Variants in SORT1 observed in about 807,000 individuals in gnomAD.
SORT1 encodes the protein sortilin.
A neutral mutation model predicts 101.7 loss-of-function variants in SORT1; 39 were observed. The observed-to-expected ratio is 0.38, with a 90% CI of 0.30 to 0.50. The LOEUF (loss-of-function observed/expected upper bound fraction) is 0.50, where lower values mean the gene tolerates loss of function less well. SORT1 is among the 20% of genes least tolerant of loss of function. The pLI is 0.90. For missense variants in SORT1, 878 were observed against 1,040.4 expected, an observed-to-expected ratio of 0.84 and a Z score of 2.15; for synonymous variants, 396 against 393.7, an observed-to-expected ratio of 1.01 and a Z score of -0.07.
intron 1 of SORT1, among the ~76,000 whole-genome samples, chr1:109,373,975 G>A (rs552822689): frequency 2.6e-5 from 4 of 152,240 alleles, no homozygotes; most frequent in African/African-American, 9.6e-5. Context: ...TGTAGCCCTC[G>A]CTACTTGGGA....
chr1:109,374,418 C>A (rs143813593), intron 1 of SORT1, among the ~76,000 whole-genome samples: 1 of 151,882 alleles, frequency 6.6e-6, no homozygotes, highest in South Asian at 2.1e-4. Context: ...ACTAAAAATA[C>A]GAAAATTACT....
At chr1:109,334,155 G>GA (rs981111915) in intron 11 of SORT1, among the ~76,000 whole-genome samples, 3 of 151,430 alleles carry the variant, frequency 2.0e-5, no homozygotes, top group Non-Finnish European at 4.4e-5. Context: ...TTAAAAAAAA[G>GA]AAAAAAAAGA....
Position 109,397,661 on chromosome 1 carries a change from T to C in SORT1, c.232A>G (p.Ser78Gly). The C allele has an allele frequency of 8.2e-7, 1 of 1,216,586 alleles. No individual in the cohort carries two copies. 75.4% of individuals were successfully genotyped at this position (1,216,586 alleles called of 1,614,324 possible). A position where few individuals can be genotyped will look rare whatever the true frequency, so the allele number is the denominator to read the frequency against. Residue 78 changes from serine (S) to glycine (G), a missense_variant, in exon 1 of 20, where the codon AGC (serine) becomes GGC (glycine). Coordinates refer to ENST00000256637, the MANE Select transcript of SORT1 (RefSeq NM_002959.7). ...CACTCCTCGTCCTCGCCCGGCGCGC[T>C]GCGACGCCAACGGCCGCCGCGGGGA... ...AFPRGGRWRRSAPGEDEECGR... is the reference protein window; with the variant it reads ...AFPRGGRWRRGAPGEDEECGR...
chr1:109,374,869 G>C (rs1354905638), intron 1 of SORT1, among the ~76,000 whole-genome samples: 1 of 152,232 alleles, frequency 6.6e-6, no homozygotes, highest in East Asian at 1.9e-4. Context: ...TGAGGCAGGA[G>C]AATCGCTTGA....
At chr1:109,350,539 T>C (rs528743177) in intron 6 of SORT1, among the ~76,000 whole-genome samples, 2 of 152,318 alleles carry the variant, frequency 1.3e-5, no homozygotes, top group South Asian at 4.1e-4. Context: ...CTTGCCATGT[T>C]CTACATGACT....
At chr1:109,375,541 C>CAAAGAAA (rs371373105) in intron 1 of SORT1, among the ~76,000 whole-genome samples, 1 of 71,082 alleles carries the variant, frequency 1.4e-5, no homozygotes, top group East Asian at 3.9e-4. Flanking sequence ...GACTCCGTTT[C>CAAAGAAA]AAAAAAAAAA....
chr1:109,323,874 T>C (rs1647807761), intron 14 of SORT1, among the ~76,000 whole-genome samples: 1 of 152,224 alleles, frequency 6.6e-6, no homozygotes, highest in Non-Finnish European at 1.5e-5. Context: ...AGCCAGCTTC[T>C]GTACAGTCTA....
intron 1 of SORT1, among the ~76,000 whole-genome samples, chr1:109,383,059 G>A (rs1652342670): frequency 6.6e-6 from 1 of 152,148 alleles, no homozygotes; most frequent in South Asian, 2.1e-4. Flanking sequence ...AAAATTTAAA[G>A]TTGGTCCCAA....
At chr1:109,314,842 G>C (rs1570878667) in intron 17 of SORT1, 64 bp from the exon 18 acceptor site, 6 of 836,748 alleles carry the variant, frequency 7.2e-6, no homozygotes. Context: ...TGAGGTCAAG[G>C]CAGCCACTCA....
intron 1 of SORT1, among the ~76,000 whole-genome samples, chr1:109,390,431 GCT>G (rs1415136236): frequency 6.6e-6 from 1 of 152,052 alleles, no homozygotes; most frequent in African/African-American, 2.4e-5. Flanking sequence ...AATCCTAAGA[GCT>G]GCTGCTCTAG....
At chr1:109,389,297 G>C (rs1295548129) in intron 1 of SORT1, among the ~76,000 whole-genome samples, 1 of 152,106 alleles carries the variant, frequency 6.6e-6, no homozygotes, top group Non-Finnish European at 1.5e-5. Flanking sequence ...GGGAAACTGA[G>C]GCCTAGAAAG....
intron 10 of SORT1, 87 bp from the exon 11 acceptor site, chr1:109,336,433 G>T: frequency 1.2e-6 from 1 of 856,550 alleles, no homozygotes; most frequent in Non-Finnish European, 2.0e-6. Flanking sequence ...TCTCTCCTGA[G>T]ACCGTATAGC....
At chr1:109,344,430 T>A (rs1449597527) in intron 8 of SORT1, among the ~76,000 whole-genome samples, 1 of 152,184 alleles carries the variant, frequency 6.6e-6, no homozygotes, top group Admixed American at 6.5e-5. Flanking sequence ...CACTTTGGAC[T>A]ATTATTCTCT....
intron 6 of SORT1, among the ~76,000 whole-genome samples, chr1:109,349,446 G>C (rs1649821421): frequency 6.6e-6 from 1 of 152,028 alleles, no homozygotes; most frequent in African/African-American, 2.4e-5. Context: ...GTGTAACAGA[G>C]TGGTGCTATA....
At chr1:109,318,126 C>T (rs1031847828) in intron 15 of SORT1, among the ~76,000 whole-genome samples, 157 bp from the exon 16 acceptor site, 8 of 150,302 alleles carry the variant, frequency 5.3e-5, no homozygotes, top group Admixed American at 2.6e-4. Context: ...TGAAGGAGGT[C>T]GATTTAGGAA....
chr1:109,349,583 T>G (rs192701840), intron 6 of SORT1, among the ~76,000 whole-genome samples: 3 of 151,776 alleles, frequency 2.0e-5, no homozygotes, highest in East Asian at 2.0e-4. Flanking sequence ...CTGGGCAACA[T>G]AGTGAGACCC....
intron 3 of SORT1, among the ~76,000 whole-genome samples, chr1:109,360,822 G>C (rs939585655): frequency 6.6e-6 from 1 of 152,158 alleles, no homozygotes; most frequent in African/African-American, 2.4e-5. Flanking sequence ...TTGGGTGATG[G>C]TCCCTTCTTT....
At chr1:109,329,711 T>C (rs1275471430) in intron 11 of SORT1, among the ~76,000 whole-genome samples, 1 of 152,218 alleles carries the variant, frequency 6.6e-6, no homozygotes, top group Non-Finnish European at 1.5e-5. Flanking sequence ...CCTAAATGTA[T>C]AAAGCAAACA....
chr1:109,314,817 T>C lies in SORT1; in HGVS notation c.2251-39A>G, dbSNP rs773802660. 11 of 1,188,860 alleles carry C rather than the reference T, an allele frequency of 9.3e-6. No homozygotes were observed. The African/African-American group carries it at 1.4e-4, about 15-fold the overall frequency. 73.6% of individuals were successfully genotyped at this position (1,188,860 alleles called of 1,614,324 possible). Reference sequence around the variant, plus strand: ...AACACAAACACAAAAGTTTTAGGCATGCATATCCTAGGACTGAGGTCAAGG... The same window carrying C: ...AACACAAACACAAAAGTTTTAGGCACGCATATCCTAGGACTGAGGTCAAGG... On this transcript the variant is annotated intron_variant, in intron 17 of 19. Coordinates refer to ENST00000256637, the MANE Select transcript of SORT1 (RefSeq NM_002959.7).
Sources: gnomAD v4.1 joint callset for allele counts (sites outside exome capture counted in the v4.1 genomes callset) on GRCh38, gnomAD v4.1.1 for gene constraint, MANE v1.5 for transcripts, NCBI Gene and HGNC (gene_info 2026-07-23, HGNC 2026-07-21) for gene names.